SNX25: variants seen among roughly 807,000 people sequenced by gnomAD.
SNX25 encodes sorting nexin 25.
In SNX25, 62 loss-of-function variants were observed where a neutral mutation model predicts 113.7. That is an observed-to-expected ratio of 0.55 (90% CI 0.44 to 0.67). The LOEUF (loss-of-function observed/expected upper bound fraction) is 0.67, where lower values mean the gene tolerates loss of function less well. SNX25 is among the 30% of genes least tolerant of loss of function. The pLI is 0.00. For synonymous variants in SNX25, 421 were observed against 436.2 expected, an observed-to-expected ratio of 0.97 and a Z score of 0.43; for missense variants, 1,014 against 1,161.0, an observed-to-expected ratio of 0.87 and a Z score of 1.84.
downstream of SNX25, among the ~76,000 whole-genome samples, chr4:185,371,491 G>A (rs367821808): frequency 4.8e-5 from 7 of 144,948 alleles, no homozygotes; most frequent in Non-Finnish European, 1.0e-4. Context: ...GCAGTGAGCC[G>A]AGATCGCACC....
chr4:185,265,712 C>G (rs1236144825), intron 4 of SNX25, among the ~76,000 whole-genome samples: 1 of 151,968 alleles, frequency 6.6e-6, no homozygotes, highest in Non-Finnish European at 1.5e-5. Flanking sequence ...CTTTTTGACT[C>G]TTTTGTAATA....
At chr4:185,261,048 C>T (rs1205024946) in intron 3 of SNX25, among the ~76,000 whole-genome samples, 8 of 150,972 alleles carry the variant, frequency 5.3e-5, no homozygotes, top group Non-Finnish European at 1.0e-4. Context: ...AGGGAAAGCT[C>T]ATTTGAAAGT....
intron 9 of SNX25, among the ~76,000 whole-genome samples, chr4:185,326,509 A>G (rs1320853257): frequency 1.3e-5 from 2 of 152,152 alleles, no homozygotes; most frequent in African/African-American, 4.8e-5. Context: ...ATTGACAAGG[A>G]AATCTGTTAC....
At position 185,320,852 on chromosome 4, in the gene SNX25, G is replaced by A. The variant is rs1161101649; in HGVS notation, c.1464G>A (p.Lys488=). 1 of 1,602,392 alleles carries A rather than the reference G, an allele frequency of 6.2e-7. No homozygotes were observed. Among genetic ancestry groups the A allele is most frequent in the East Asian group, 2.2e-5 (1 of 44,468 alleles). ...ISFWESVEHL[K]NANKNEIPQL... is the part of the protein sequence containing the mutation. Reference sequence around the variant, plus strand: ...TTTGGGAATCTGTGGAACATTTAAAGAATGCTAACAAGGTAGTATATGTAG... The same window carrying A: ...TTTGGGAATCTGTGGAACATTTAAAAAATGCTAACAAGGTAGTATATGTAG... The change falls in exon 8 of 19, where the codon AAG becomes AAA. Residue 488 remains lysine (K), a synonymous_variant. Coordinates refer to ENST00000652585, the MANE Select transcript of SNX25 (RefSeq NM_001378034.2).
chr4:185,222,266 TATACCCCTCCTTCGCG>T (rs879489519), intron 1 of SNX25, among the ~76,000 whole-genome samples: 97,347 of 150,730 alleles, frequency 0.65, 31,716 homozygotes, highest in East Asian at 0.73. Flanking sequence ...TACAGCACCA[TATACCCCTCCTTCGCG>T]GTAGGTATAC....
chr4:185,235,303 T>C (rs1448226363), intron 1 of SNX25, among the ~76,000 whole-genome samples: 1 of 152,248 alleles, frequency 6.6e-6, no homozygotes, highest in African/African-American at 2.4e-5. Flanking sequence ...GATACAGATG[T>C]AGGCTTTTGG....
rs2120415 is a variant in SNX25, at chr4:185,363,010, C to T, written c.2934+299C>T. Among the ~76,000 whole-genome samples, 52,360 of 151,764 alleles carry T rather than the reference C, an allele frequency of 0.35. 12,127 individuals are homozygous for T. Among genetic ancestry groups the T allele is most frequent in the African/African-American group, 0.66 (27,313 of 41,366 alleles). The stretch of plus-strand genomic sequence containing the variant: ...GGCATGCACTACCATGCCCAGCTAA[C>T]TTTTGTATTTTTAGTAGAGATGGGG... On this transcript the variant is annotated intron_variant, in intron 18 of 18. Transcript: ENST00000652585. This position sits in a 1 kb window ranked among gnomAD's most constrained non-coding sequence, Gnocchi z 4.2.
At chr4:185,358,173 T>A (rs2095347183) in intron 16 of SNX25, among the ~76,000 whole-genome samples, 1 of 152,244 alleles carries the variant, frequency 6.6e-6, no homozygotes, top group African/African-American at 2.4e-5. Context: ...ATTAAGGTTT[T>A]CACAGTTGTG....
chr4:185,209,745 G>A lies in SNX25; in HGVS notation c.-82G>A. 1 of 984,020 alleles carries A rather than the reference G, an allele frequency of 1.0e-6. No individual in the cohort carries two copies. Among genetic ancestry groups the A allele is most frequent in the Non-Finnish European group, 1.2e-6 (1 of 829,372 alleles). The allele number at this position is 984,020 out of a possible 1,614,324, so 61.0% of individuals were successfully genotyped here. A position where few individuals can be genotyped will look rare whatever the true frequency, so the allele number is the denominator to read the frequency against. ...GGTGGGCCGCGGGCGAGGCATGAGC[G>A]CGGGCTCCCCCTGCCTCCGGAGCGC... On this transcript the variant is annotated 5_prime_UTR_variant, in exon 1 of 19. Coordinates refer to ENST00000652585, the MANE Select transcript of SNX25 (RefSeq NM_001378034.2). The surrounding 1 kb of genome is among the most constrained non-coding windows in gnomAD (Gnocchi z 5.2).
Position 185,363,336 on chromosome 4 carries a change from C to A in SNX25, c.2935-49C>A, listed in dbSNP as rs372330178. 2 of 1,575,290 alleles carry A rather than the reference C, an allele frequency of 1.3e-6. No homozygotes were observed. Among genetic ancestry groups the A allele is most frequent in the East Asian group, 2.2e-5 (1 of 44,526 alleles). On this transcript the variant is annotated intron_variant, in intron 18 of 18. Coordinates refer to ENST00000652585, the MANE Select transcript of SNX25 (RefSeq NM_001378034.2). The surrounding 1 kb of genome is among the most constrained non-coding windows in gnomAD (Gnocchi z 4.2). ...GATGCAGATATTTATTTTGAATAAA[C>A]CCTTGGAGAAAAACATTTTTCCACT... is the stretch of plus-strand genomic sequence containing the variant.
At chr4:185,365,710 A>G (rs1453581802), downstream of SNX25, 1 of 150,468 alleles carries the variant, frequency 6.6e-6, no homozygotes, top group Non-Finnish European at 1.5e-5. Flanking sequence ...AATAATAATA[A>G]TAATAATCTT....
chr4:185,277,239 G>T (rs1014162967), intron 5 of SNX25, among the ~76,000 whole-genome samples: 1 of 152,114 alleles, frequency 6.6e-6, no homozygotes, highest in African/African-American at 2.4e-5. Flanking sequence ...TGGCCAGGCT[G>T]GTCTGGAAGT....
At position 185,361,913 on chromosome 4, in the gene SNX25, T is replaced by C. The variant is rs779897216; in HGVS notation, c.2652-11T>C. 1 of 1,611,010 alleles carries C rather than the reference T, an allele frequency of 6.2e-7. No homozygotes were observed. Among genetic ancestry groups the C allele is most frequent in the Admixed American group, 1.7e-5 (1 of 59,484 alleles). On this transcript the variant is annotated splice_polypyrimidine_tract_variant and intron_variant, in intron 16 of 18. Transcript: ENST00000652585. ...AAAAACCTCATCCAAGAAATCTTTTTCTCTTAAAAGACAAATCCGGGACAC... is the reference window on the plus strand; with the variant it reads ...AAAAACCTCATCCAAGAAATCTTTTCCTCTTAAAAGACAAATCCGGGACAC...
At chr4:185,360,930 A>ATATATATATATATATAT (rs1491260048) in intron 16 of SNX25, among the ~76,000 whole-genome samples, 52 of 139,624 alleles carry the variant, frequency 3.7e-4, no homozygotes, top group African/African-American at 1.3e-3. Flanking sequence ...AAAAAAAAAT[A>ATATATATATATATATAT]ATATATATAT....
chr4:185,299,885 G>C (rs1474311314), intron 6 of SNX25, among the ~76,000 whole-genome samples: 3 of 152,186 alleles, frequency 2.0e-5, no homozygotes, highest in African/African-American at 7.2e-5. Flanking sequence ...CAAAGAACAT[G>C]AGGTTGATTT....
At chr4:185,360,584 A>C (rs1182638286) in intron 16 of SNX25, among the ~76,000 whole-genome samples, 1 of 151,966 alleles carries the variant, frequency 6.6e-6, no homozygotes, top group Non-Finnish European at 1.5e-5. Context: ...CAACCTCACA[A>C]CTACTCTTGG....
At chr4:185,324,390 A>C (rs1434849580) in intron 9 of SNX25, among the ~76,000 whole-genome samples, 1 of 152,234 alleles carries the variant, frequency 6.6e-6, no homozygotes, top group Non-Finnish European at 1.5e-5. Context: ...TAAACCTGAG[A>C]GGGGCTTCTG....
At position 185,264,602 on chromosome 4, in the gene SNX25, CA is replaced by C; in HGVS notation, c.898del (p.Thr300GlnfsTer4). ...CGTATAATGCTTGCAGAAATTCTCA[CA>C]ACAAAAGGTAGACTTATACAGTTGA... ...SLRIMLAEIL[T>X]TKVLKPVVEL... On this transcript the variant is annotated frameshift_variant, in exon 4 of 19. Coordinates refer to ENST00000652585, the MANE Select transcript of SNX25 (RefSeq NM_001378034.2). LOFTEE classifies it high-confidence loss of function. 6.2e-7 allele frequency: 1 copy of C among 1,613,890 alleles called. No individual in the cohort carries two copies. The highest frequency in any genetic ancestry group is 8.5e-7 in the Non-Finnish European group (1 of 1,179,840).
In SNX25 at chr4:185,363,361, T is replaced by C. The variant is rs2095375310; in HGVS notation, c.2935-24T>C. 2 of 1,612,048 alleles carry C rather than the reference T, an allele frequency of 1.2e-6. No homozygotes were observed. The highest frequency in any genetic ancestry group is 1.7e-5 in the Admixed American group (1 of 59,790). On this transcript the variant is annotated intron_variant, in intron 18 of 18. Coordinates refer to ENST00000652585, the MANE Select transcript of SNX25 (RefSeq NM_001378034.2). The surrounding 1 kb of genome is among the most constrained non-coding windows in gnomAD (Gnocchi z 4.2). ...CCCTTGGAGAAAAACATTTTTCCAC[T>C]TTTTTCCTTCTTTGTTGGTTCAGGC...
Sources: gnomAD v4.1 joint callset for allele counts (sites outside exome capture counted in the v4.1 genomes callset) on GRCh38, gnomAD v4.1.1 for gene constraint, Gnocchi (gnomAD v3.1) non-coding constraint, MANE v1.5 for transcripts, NCBI Gene and HGNC (gene_info 2026-07-23, HGNC 2026-07-21) for gene names.